ULK4: variants seen among roughly 807,000 people sequenced by gnomAD.
ULK4 encodes the protein inactive serine/threonine-protein kinase ULK4.
A neutral mutation model predicts 160.6 loss-of-function variants in ULK4; 133 were observed. The ratio of observed to expected loss-of-function variants is 0.83; its 90% confidence interval spans 0.72 to 0.96. The LOEUF (loss-of-function observed/expected upper bound fraction) is 0.96. Among genes scored for constraint, ULK4 ranks in the 40% least tolerant of loss-of-function variants. The pLI is 0.00. For synonymous variants in ULK4, 534 were observed against 539.8 expected (o/e 0.99, Z 0.15); for missense variants, 1,580 against 1,499.5 (o/e 1.05, Z -0.89).
chr3:41,749,263 A>T (rs1246280283), intron 22 of ULK4, among the ~76,000 whole-genome samples: 1 of 152,184 alleles, frequency 6.6e-6, no homozygotes, highest in African/African-American at 2.4e-5. Context: ...CAGGTGGATC[A>T]CTTCAGGTCA....
At chr3:41,714,434 C>T (rs1402831782) in intron 25 of ULK4, among the ~76,000 whole-genome samples, 1 of 152,130 alleles carries the variant, frequency 6.6e-6, no homozygotes, top group Non-Finnish European at 1.5e-5. Context: ...CTAGTTACCT[C>T]TATGGCATTT....
chr3:41,878,513 A>C (rs1451354744), intron 17 of ULK4, among the ~76,000 whole-genome samples: 1 of 152,174 alleles, frequency 6.6e-6, no homozygotes, highest in Non-Finnish European at 1.5e-5. Context: ...TTGCAAAACA[A>C]ACTCTATTTT....
intron 35 of ULK4, among the ~76,000 whole-genome samples, chr3:41,354,500 A>G (rs2080989954): frequency 6.6e-6 from 1 of 152,224 alleles, no homozygotes; most frequent in East Asian, 1.9e-4. Flanking sequence ...ACATTTGCAG[A>G]TAGTTCTCAT....
intron 20 of ULK4, among the ~76,000 whole-genome samples, chr3:41,797,505 G>T (rs1440462571): frequency 6.6e-6 from 1 of 152,106 alleles, no homozygotes; most frequent in African/African-American, 2.4e-5. Context: ...AATTGTAAAT[G>T]ACGTGAAAAA....
chr3:41,506,767 A>AAAAAAAAAAAAAAAAAATATAAATATAT, intron 32 of ULK4, among the ~76,000 whole-genome samples: 2 of 56,766 alleles, frequency 3.5e-5, no homozygotes, highest in Non-Finnish European at 6.3e-5. Flanking sequence ...TGTGATTTAA[A>AAAAAAAAAAAAAAAAAATATAAATATAT]ATATATATAT....
chr3:41,306,599 G>A (rs1278664830), intron 35 of ULK4, among the ~76,000 whole-genome samples: 14 of 151,512 alleles, frequency 9.2e-5, no homozygotes, highest in African/African-American at 3.4e-4. Flanking sequence ...GCCCCTACTG[G>A]GAAGTGAGGA....
chr3:41,576,881 T>TG (rs1277511898), intron 31 of ULK4, among the ~76,000 whole-genome samples: 3 of 152,188 alleles, frequency 2.0e-5, no homozygotes, highest in African/African-American at 7.2e-5. Context: ...ACAACTTTAA[T>TG]GGGATTTTCT....
At chr3:41,800,377 G>C (rs2040423433) in intron 19 of ULK4, 84 bp from the exon 20 acceptor site, 1 of 1,394,822 alleles carries the variant, frequency 7.2e-7, no homozygotes, top group African/African-American at 1.5e-5. Flanking sequence ...ATAATGTTAT[G>C]ATACCAAGAC....
rs369522566 is a variant in ULK4 at position 41,366,477 on chromosome 3, A to G, written c.3678+31602T>C. Among the ~76,000 whole-genome samples the G allele has an allele frequency of 7.4e-4, 113 of 152,202 alleles. 8 individuals are homozygous for G. The South Asian group carries it at 0.023, about 31-fold the overall frequency. ...TTATATTTATTTGATCTAAGTAAAT[A>G]TGTAATAATATCCAGTTCAATTGAT... is the stretch of plus-strand genomic sequence containing the variant. On this transcript the variant is annotated intron_variant, in intron 35 of 36. Coordinates refer to ENST00000301831, the MANE Select transcript of ULK4 (RefSeq NM_017886.4).
At chr3:41,440,929 A>G (rs2083151803) in intron 34 of ULK4, among the ~76,000 whole-genome samples, 1 of 152,080 alleles carries the variant, frequency 6.6e-6, no homozygotes, top group Non-Finnish European at 1.5e-5. Flanking sequence ...ATTGGCATAA[A>G]GCTATTTATA....
chr3:41,471,802 CAAATGA>C, intron 32 of ULK4, among the ~76,000 whole-genome samples: 1 of 150,864 alleles, frequency 6.6e-6, no homozygotes, highest in Non-Finnish European at 1.5e-5. Context: ...AAAATTGAGA[CAAATGA>C]AAATGGAGAT....
At chr3:41,708,476 T>C (rs2036981362) in intron 25 of ULK4, among the ~76,000 whole-genome samples, 2 of 152,098 alleles carry the variant, frequency 1.3e-5, no homozygotes, top group Admixed American at 6.6e-5. Context: ...CTAAAAAAGT[T>C]GAACTCAGAA....
intron 31 of ULK4, among the ~76,000 whole-genome samples, chr3:41,614,376 A>G (rs1250786885): frequency 6.6e-6 from 1 of 152,198 alleles, no homozygotes; most frequent in African/African-American, 2.4e-5. Flanking sequence ...ACAGTTTGCT[A>G]GACCACTGTC....
At chr3:41,672,112 G>T (rs750846023) in intron 29 of ULK4, among the ~76,000 whole-genome samples, 4 of 152,012 alleles carry the variant, frequency 2.6e-5, no homozygotes, top group Non-Finnish European at 5.9e-5. Flanking sequence ...GAATTCTTAC[G>T]CATTGTTGTG....
chr3:41,313,351 C>T (rs908602005), intron 35 of ULK4, among the ~76,000 whole-genome samples: 1 of 152,104 alleles, frequency 6.6e-6, no homozygotes, highest in African/African-American at 2.4e-5. Context: ...TAAATCAGTC[C>T]ATGGCAATAA....
chr3:41,770,089 A>G (rs755198370), intron 21 of ULK4, among the ~76,000 whole-genome samples: 6 of 152,248 alleles, frequency 3.9e-5, no homozygotes, highest in Non-Finnish European at 7.3e-5. Flanking sequence ...CAGAGAACAC[A>G]CATTTATTAA....
intron 31 of ULK4, among the ~76,000 whole-genome samples, chr3:41,591,583 C>T (rs116568350): frequency 0.028 from 4,242 of 151,890 alleles, 189 homozygotes; most frequent in African/African-American, 0.096. Flanking sequence ...TGTCCTGGGC[C>T]GCAGGTTAGA....
intron 16 of ULK4, among the ~76,000 whole-genome samples, chr3:41,888,175 T>G (rs1477000154): frequency 1.3e-5 from 2 of 152,066 alleles, no homozygotes; most frequent in East Asian, 1.9e-4. Flanking sequence ...AAGGGAAAGG[T>G]AAAGAAAGCA....
intron 35 of ULK4, among the ~76,000 whole-genome samples, chr3:41,277,258 G>A (rs1042374229): frequency 6.6e-6 from 1 of 152,170 alleles, no homozygotes; most frequent in African/African-American, 2.4e-5. Context: ...TATGAAGCCA[G>A]CATCACCCTA....
Sources: allele counts gnomAD v4.1 joint callset (sites outside exome capture counted in the v4.1 genomes callset), GRCh38; gene constraint gnomAD v4.1.1; transcripts MANE v1.5; gene names NCBI Gene and HGNC (gene_info 2026-07-23, HGNC 2026-07-21).